SEPTIN6: variants seen among roughly 807,000 people sequenced by gnomAD.
SEPTIN6 encodes the protein septin 6, also known as septin-6.
In SEPTIN6, 8 loss-of-function variants were observed where a neutral mutation model predicts 33.6. The observed-to-expected ratio is 0.24, with a 90% confidence interval of 0.14 to 0.43. The LOEUF is 0.43. Among genes scored for constraint, SEPTIN6 ranks in the 20% least tolerant of loss-of-function variants. The pLI is 1.00. For missense variants in SEPTIN6, 250 were observed against 340.8 expected (o/e 0.73, Z 2.10); for synonymous variants, 131 against 140.0 (o/e 0.94, Z 0.45).
chrX:119,665,121 T>G (rs1278356202), intron 2 of SEPTIN6, among the ~76,000 whole-genome samples: 1 of 105,700 alleles, frequency 9.5e-6, no homozygotes, highest in Non-Finnish European at 1.9e-5. Flanking sequence ...TTTTTTTTTT[T>G]GATACAGCGT....
intron 2 of SEPTIN6, among the ~76,000 whole-genome samples, chrX:119,664,108 C>A (rs780470351): frequency 3.6e-5 from 4 of 110,451 alleles, no homozygotes; most frequent in African/African-American, 9.9e-5. Flanking sequence ...CTCAGCCTCC[C>A]GAGTAGCTGG....
At chrX:119,628,504 C>CTTT (rs766806075) in intron 9 of SEPTIN6, among the ~76,000 whole-genome samples, 1 of 78,384 alleles carries the variant, frequency 1.3e-5, no homozygotes, top group African/African-American at 5.2e-5. Flanking sequence ...GTCTTGAACT[C>CTTT]TTTTTTTTTT....
chrX:119,668,716 G>A (rs758714517), intron 2 of SEPTIN6, among the ~76,000 whole-genome samples: 25 of 111,994 alleles, frequency 2.2e-4, no homozygotes, highest in African/African-American at 6.2e-4. Context: ...ACTTTGGGAG[G>A]TTGAAGCAGG....
chrX:119,641,162 T>C (rs1483502266), intron 5 of SEPTIN6, among the ~76,000 whole-genome samples: 1 of 111,656 alleles, frequency 9.0e-6, no homozygotes, highest in Non-Finnish European at 1.9e-5. Context: ...TCTGTGTGGA[T>C]AGAGAGGATA....
chrX:119,666,030 T>C lies in SEPTIN6; in HGVS notation c.146-2353A>G, dbSNP rs1157649493. On this transcript the variant is annotated intron_variant, in intron 2 of 10. Coordinates refer to ENST00000394610, the MANE Select transcript of SEPTIN6 (RefSeq NM_145799.4). ...CCAGGAGGTGGAGCTTGCAGTGAGC[T>C]GAGATCGCGCCACTGCACTCCAGCC... Among the ~76,000 whole-genome samples, 13 of 104,659 alleles carry C rather than the reference T, an allele frequency of 1.2e-4. No individual in the cohort carries two copies. The South Asian group carries it at 3.9e-3, about 31-fold the overall frequency. The allele number at this position is 104,659 out of a possible 115,157, so 90.9% of individuals were successfully genotyped here.
intron 4 of SEPTIN6, 149 bp from the exon 5 acceptor site, chrX:119,650,247 A>C: frequency 2.4e-4 from 117 of 490,643 alleles, no homozygotes; most frequent in East Asian, 1.8e-4. Context: ...CAATATAATA[A>C]ACGACAAGTA....
intron 6 of SEPTIN6, among the ~76,000 whole-genome samples, 189 bp downstream of exon 6, chrX:119,640,476 TTCCCATTAGAAATTAGAGGGAGCTTGC>T (rs3841502): frequency 0.24 from 26,045 of 108,697 alleles, 2,465 homozygotes; most frequent in African/African-American, 0.31. Flanking sequence ...AGGAATACCT[TTCCCATTAGAAATTAGAGGGAGCTTGC>T]TCCCATCAGA....
chrX:119,689,587 C>T (rs2055122764), intron 1 of SEPTIN6, among the ~76,000 whole-genome samples: 1 of 111,519 alleles, frequency 9.0e-6, no homozygotes, highest in Admixed American at 9.5e-5. Context: ...CCCAGGTTCA[C>T]ACCCTCAGCC....
At chrX:119,680,295 G>A (rs1257771923) in intron 1 of SEPTIN6, among the ~76,000 whole-genome samples, 3 of 107,806 alleles carry the variant, frequency 2.8e-5, no homozygotes, top group South Asian at 4.0e-4. Context: ...GCACAATCTC[G>A]GCCCATGGGT....
intron 9 of SEPTIN6, chrX:119,629,048 C>T (rs2053910764): frequency 6.3e-6 from 2 of 318,200 alleles, no homozygotes; most frequent in Non-Finnish European, 1.1e-5. Flanking sequence ...TTCCTATGGA[C>T]CTTGAGTTTG....
chrX:119,625,198 A>G (rs2053840358), intron 10 of SEPTIN6, 137 bp downstream of exon 10: 2 of 474,969 alleles, frequency 4.2e-6, no homozygotes, highest in Non-Finnish European at 7.5e-6. Flanking sequence ...TCTGCATATT[A>G]TAAGTCACGA....
At position 119,645,586 on chromosome X, in the gene SEPTIN6, G is replaced by T. The variant is rs181398933; in HGVS notation, c.690+4351C>A. On this transcript the variant is annotated intron_variant, in intron 5 of 10. Coordinates refer to ENST00000394610, the MANE Select transcript of SEPTIN6 (RefSeq NM_145799.4). ...CTAATTTTGCATTTTTAGTAGAGAC[G>T]GGGTTTCTCCATGTTGGTTAGGCTG... 4.7e-3 allele frequency among the ~76,000 whole-genome samples: 522 copies of T among 110,586 alleles called. 1 individual carries two copies. The highest frequency in any genetic ancestry group is 0.016 in the African/African-American group (489 of 30,462).
chrX:119,622,142 T>C (rs190683044), intron 10 of SEPTIN6, among the ~76,000 whole-genome samples: 26 of 111,640 alleles, frequency 2.3e-4, no homozygotes, highest in African/African-American at 6.8e-4. Context: ...GGAAGAGTAA[T>C]CTAAAAAACA....
intron 3 of SEPTIN6, 113 bp downstream of exon 3, chrX:119,663,369 G>A (rs1361597085): frequency 6.4e-6 from 4 of 623,104 alleles, no homozygotes; most frequent in Non-Finnish European, 9.9e-6. Context: ...ACCATTCTGG[G>A]AGGACAGGCT....
At chrX:119,652,680 C>G (rs747972584) in intron 4 of SEPTIN6, among the ~76,000 whole-genome samples, 174 bp downstream of exon 4, 2 of 111,214 alleles carry the variant, frequency 1.8e-5, no homozygotes, top group South Asian at 3.8e-4. Flanking sequence ...GCTGGGAAAA[C>G]AGATCACAAA....
chrX:119,618,102 C>A lies in SEPTIN6; in HGVS notation c.*1991G>T. On this transcript the variant is annotated 3_prime_UTR_variant, in exon 11 of 11. Transcript: ENST00000394610. ...CAAAGTTGCAAATATGAAGCCTTTC[C>A]CAAGGAGACCTGACAGGCCTAACTC... is the stretch of plus-strand genomic sequence containing the variant. 1 of 802,902 alleles carries A rather than the reference C, an allele frequency of 1.2e-6. No individual in the cohort carries two copies. Among genetic ancestry groups the A allele is most frequent in the Non-Finnish European group, 1.5e-6 (1 of 669,900 alleles). The allele number at this position is 802,902 out of a possible 1,213,427, so 66.2% of individuals were successfully genotyped here. A position where few individuals can be genotyped will look rare whatever the true frequency, so the allele number is the denominator to read the frequency against.
At chrX:119,637,653 C>CCA (rs1470694890) in intron 6 of SEPTIN6, among the ~76,000 whole-genome samples, 60 of 96,863 alleles carry the variant, frequency 6.2e-4, no homozygotes, top group African/African-American at 1.7e-3. Flanking sequence ...ATCCATCTAT[C>CCA]TATCCATCCA....
rs1159194040 is a variant in SEPTIN6, at chrX:119,688,224, C to A, written c.30+4852G>T. 2.7e-5 allele frequency among the ~76,000 whole-genome samples: 3 copies of A among 112,049 alleles called. No individual in the cohort carries two copies. In the East Asian group the frequency reaches 8.4e-4, roughly 31 times the overall value. On this transcript the variant is annotated intron_variant, in intron 1 of 10. Coordinates refer to ENST00000394610, the MANE Select transcript of SEPTIN6 (RefSeq NM_145799.4). ...GAAGCCCTCAGGAAGCCCTTCCTGT[C>A]ACCCTCTGCCTCCATTCATTGCTGA...
intron 3 of SEPTIN6, among the ~76,000 whole-genome samples, chrX:119,653,477 C>T (rs2054382812): frequency 8.9e-6 from 1 of 112,683 alleles, no homozygotes; most frequent in Non-Finnish European, 1.9e-5. Flanking sequence ...GTGAAGGGCA[C>T]TTGTCTGTCC....
Sources: allele counts gnomAD v4.1 joint callset (sites outside exome capture counted in the v4.1 genomes callset), GRCh38; gene constraint gnomAD v4.1.1; transcripts MANE v1.5; gene names NCBI Gene and HGNC (gene_info 2026-07-23, HGNC 2026-07-21).